Variants in DNAL1 observed in about 807,000 individuals in gnomAD.
DNAL1 encodes the protein chromosome 14 open reading frame 168.
In DNAL1, 17 loss-of-function variants were observed where a neutral mutation model predicts 29.4. The observed-to-expected ratio is 0.58, with a 90% CI of 0.40 to 0.87. The LOEUF (loss-of-function observed/expected upper bound fraction) is 0.87, where lower values mean the gene tolerates loss of function less well. Among genes scored for constraint, DNAL1 ranks in the 40% least tolerant of loss-of-function variants. DNAL1 has a pLI of 0.00. For synonymous variants in DNAL1, 78 were observed against 76.3 expected (o/e 1.02, Z -0.12); for missense variants, 188 against 214.1 (o/e 0.88, Z 0.76).
intron 5 of DNAL1, among the ~76,000 whole-genome samples, chr14:73,677,711 C>T (rs2140048522): frequency 6.6e-6 from 1 of 150,620 alleles, no homozygotes; most frequent in African/African-American, 2.4e-5. Flanking sequence ...CGCCCGCCAC[C>T]ACGCCCGGCT....
intron 7 of DNAL1, among the ~76,000 whole-genome samples, chr14:73,693,851 C>T (rs8011573): frequency 0.012 from 1,777 of 152,102 alleles, 24 homozygotes; most frequent in African/African-American, 0.023. Context: ...ATCTGGGTGC[C>T]GGTAACTAGT....
chr14:73,691,402 A>G (rs1309375457), intron 7 of DNAL1, among the ~76,000 whole-genome samples: 4 of 151,852 alleles, frequency 2.6e-5, no homozygotes, highest in Non-Finnish European at 5.9e-5. Flanking sequence ...ATACAAAATT[A>G]GCTGGACCTG....
chr14:73,647,712 A>G (rs760729061), intron 1 of DNAL1, among the ~76,000 whole-genome samples: 8 of 152,226 alleles, frequency 5.3e-5, no homozygotes, highest in Admixed American at 1.3e-4. Flanking sequence ...CCTTCTATCC[A>G]TAGGAAAACC....
intron 5 of DNAL1, among the ~76,000 whole-genome samples, chr14:73,684,452 A>G (rs575671547): frequency 6.6e-6 from 1 of 152,092 alleles, no homozygotes; most frequent in African/African-American, 2.4e-5. Flanking sequence ...TTATTTTTGT[A>G]TACTTAACAT....
At chr14:73,657,880 C>T (rs1339471003) in intron 2 of DNAL1, among the ~76,000 whole-genome samples, 1 of 152,220 alleles carries the variant, frequency 6.6e-6, no homozygotes, top group Non-Finnish European at 1.5e-5. Flanking sequence ...CAGGCGTGCA[C>T]CACTACGCCT....
At chr14:73,683,022 G>A (rs563988545) in intron 5 of DNAL1, among the ~76,000 whole-genome samples, 6 of 152,056 alleles carry the variant, frequency 3.9e-5, no homozygotes, top group East Asian at 3.9e-4. Context: ...GATTAGAGGC[G>A]TGCATCACCA....
In DNAL1 at chr14:73,693,742, G is replaced by A. The variant is rs79733863; in HGVS notation, c.533-2160G>A. 4.1e-3 allele frequency among the ~76,000 whole-genome samples: 617 copies of A among 152,122 alleles called. 3 individuals carry two copies. The highest frequency in any genetic ancestry group is 0.014 in the African/African-American group (594 of 41,500). On this transcript the variant is annotated intron_variant, in intron 7 of 7. Transcript: ENST00000553645. ...GACAAACAAAAAACAAGGAAAATAA[G>A]CTATGGTGTTAGATATTAGGATAGA...
chr14:73,672,334 A>G (rs574050755), intron 5 of DNAL1, among the ~76,000 whole-genome samples: 2 of 152,206 alleles, frequency 1.3e-5, no homozygotes, highest in East Asian at 3.9e-4. Context: ...GGCTGAGAGC[A>G]GTGGCTCACG....
intron 2 of DNAL1, among the ~76,000 whole-genome samples, chr14:73,657,795 A>G (rs1891251153): frequency 6.6e-6 from 1 of 152,162 alleles, no homozygotes; most frequent in African/African-American, 2.4e-5. Context: ...GTGTTTCACC[A>G]TGTCAGCCAG....
At position 73,695,985 on chromosome 14, in the gene DNAL1, A is replaced by G; in HGVS notation, c.*43A>G. On this transcript the variant is annotated 3_prime_UTR_variant, in exon 8 of 8. Coordinates refer to ENST00000553645, the MANE Select transcript of DNAL1 (RefSeq NM_031427.4). ...TGTGTTAACTTATTTAAATGTCATAAGAACAATAGATAAATTTTATATAAT... is the reference window on the plus strand; with the variant it reads ...TGTGTTAACTTATTTAAATGTCATAGGAACAATAGATAAATTTTATATAAT... The G allele has an allele frequency of 6.6e-7, 1 of 1,508,604 alleles. No individual in the cohort carries two copies. Among genetic ancestry groups the G allele is most frequent in the Non-Finnish European group, 9.0e-7 (1 of 1,111,392 alleles). The allele number at this position is 1,508,604 out of a possible 1,614,324, so 93.5% of individuals were successfully genotyped here.
intron 1 of DNAL1, 69 bp downstream of exon 1, chr14:73,645,111 G>A (rs1041708189): frequency 3.8e-6 from 6 of 1,580,798 alleles, no homozygotes; most frequent in Middle Eastern, 3.3e-4. Context: ...TGACTGTGGA[G>A]TGTTGAGGGT....
intron 1 of DNAL1, among the ~76,000 whole-genome samples, chr14:73,647,491 T>C (rs1195447140): frequency 6.6e-6 from 1 of 152,160 alleles, no homozygotes; most frequent in Non-Finnish European, 1.5e-5. Context: ...TCTTACTTAA[T>C]GATACATAAA....
At chr14:73,658,811 C>A in intron 2 of DNAL1, 36 bp from the exon 3 acceptor site, 1 of 1,518,896 alleles carries the variant, frequency 6.6e-7, no homozygotes, top group Non-Finnish European at 9.0e-7. Flanking sequence ...ACATTGCAAT[C>A]ATGGGTTATT....
At chr14:73,660,766 C>T (rs546719002) in intron 3 of DNAL1, among the ~76,000 whole-genome samples, 1 of 152,294 alleles carries the variant, frequency 6.6e-6, no homozygotes, top group East Asian at 1.9e-4. Context: ...AAAGTGGTCA[C>T]ATATCTTTTT....
rs918801315 is a variant in DNAL1, at chr14:73,702,044, A to C, written c.*6102A>C. On this transcript the variant is annotated 3_prime_UTR_variant, in exon 8 of 8. Coordinates refer to ENST00000553645, the MANE Select transcript of DNAL1 (RefSeq NM_031427.4). ...AGTGATATTCAGTCCAAAGAAATTCAGCCTTTGGATAACATGTACCATGCA... is the reference window on the plus strand; with the variant it reads ...AGTGATATTCAGTCCAAAGAAATTCCGCCTTTGGATAACATGTACCATGCA... 1.3e-5 allele frequency: 2 copies of C among 151,964 alleles called. No individual in the cohort carries two copies. The highest frequency in any genetic ancestry group is 2.9e-5 in the Non-Finnish European group (2 of 68,010). 9.4% of individuals were successfully genotyped at this position (151,964 alleles called of 1,614,324 possible).
intron 4 of DNAL1, among the ~76,000 whole-genome samples, chr14:73,668,683 T>C (rs1328448609): frequency 6.6e-6 from 1 of 151,562 alleles, no homozygotes. Flanking sequence ...TCCCTCTGTC[T>C]CTTTTTTTTT....
intron 4 of DNAL1, among the ~76,000 whole-genome samples, chr14:73,663,737 G>T (rs1891409817): frequency 6.6e-6 from 1 of 152,126 alleles, no homozygotes; most frequent in South Asian, 2.1e-4. Context: ...TGGATGCAAA[G>T]GGTGAGGTTG....
At chr14:73,693,391 A>G (rs952924278) in intron 7 of DNAL1, among the ~76,000 whole-genome samples, 7 of 152,252 alleles carry the variant, frequency 4.6e-5, no homozygotes, top group African/African-American at 1.7e-4. Flanking sequence ...TAGTAGCAGT[A>G]TATTAATAGC....
At chr14:73,664,044 T>C (rs1891418254) in intron 4 of DNAL1, among the ~76,000 whole-genome samples, 1 of 152,174 alleles carries the variant, frequency 6.6e-6, no homozygotes, top group African/African-American at 2.4e-5. Flanking sequence ...GGGAGACTAC[T>C]GTGTACATAA....
Sources: gnomAD v4.1 joint callset for allele counts (sites outside exome capture counted in the v4.1 genomes callset) on GRCh38, gnomAD v4.1.1 for gene constraint, MANE v1.5 for transcripts, NCBI Gene and HGNC (gene_info 2026-07-23, HGNC 2026-07-21) for gene names.